PDZRN4: variants seen among roughly 807,000 people sequenced by gnomAD.
PDZRN4 encodes the protein PDZ domain containing ring finger 4, also known as PDZ domain-containing RING finger protein 4.
PDZRN4 carries 70 observed loss-of-function variants against 99.0 expected under a neutral mutation model. That is an observed-to-expected ratio of 0.71 (90% CI 0.58 to 0.86). PDZRN4 has a LOEUF of 0.86. Among genes scored for constraint, PDZRN4 ranks in the 40% least tolerant of loss-of-function variants. PDZRN4 has a pLI of 0.00. For synonymous variants in PDZRN4, 551 were observed against 501.6 expected (o/e 1.10, Z -1.32); for missense variants, 1,474 against 1,331.2 (o/e 1.11, Z -1.67).
chr12:41,391,331 T>A (rs1008059888), intron 3 of PDZRN4, among the ~76,000 whole-genome samples: 4 of 152,128 alleles, frequency 2.6e-5, no homozygotes, highest in Non-Finnish European at 5.9e-5. Flanking sequence ...ATAAGCAATT[T>A]TCAAAAAGCA....
chr12:41,484,507 C>T (rs1383409183), intron 3 of PDZRN4, among the ~76,000 whole-genome samples: 4 of 152,164 alleles, frequency 2.6e-5, no homozygotes, highest in African/African-American at 9.7e-5. Context: ...GCCCCAAAAA[C>T]GTAATAGGAG....
At chr12:41,251,305 T>C (rs1253583841) in intron 3 of PDZRN4, among the ~76,000 whole-genome samples, 1 of 152,166 alleles carries the variant, frequency 6.6e-6, no homozygotes, top group East Asian at 1.9e-4. Flanking sequence ...ATTATTTTCC[T>C]CAAAAATTGA....
chr12:41,433,852 CT>C (rs749338056), intron 3 of PDZRN4, among the ~76,000 whole-genome samples: 1 of 152,118 alleles, frequency 6.6e-6, no homozygotes, highest in Non-Finnish European at 1.5e-5. Flanking sequence ...GTAAATTAGT[CT>C]TTTTGAAGTC....
Position 41,282,614 on chromosome 12 carries a change from G to A in PDZRN4, c.843+88426G>A, listed in dbSNP as rs576870918. On this transcript the variant is annotated intron_variant, in intron 3 of 9. Transcript: ENST00000402685. Reference sequence around the variant, plus strand: ...GCACTTATTCTAAAATCAACCACATGATTGGAAATAAAACAATCCTCAGCA... The same window carrying A: ...GCACTTATTCTAAAATCAACCACATAATTGGAAATAAAACAATCCTCAGCA... Among the ~76,000 whole-genome samples, 4 of 152,168 alleles carry A rather than the reference G, an allele frequency of 2.6e-5. No individual in the cohort carries two copies. In the East Asian group the frequency reaches 7.7e-4, roughly 29 times the overall value.
intron 3 of PDZRN4, among the ~76,000 whole-genome samples, chr12:41,196,371 G>A (rs1364724414): frequency 8.6e-5 from 13 of 151,882 alleles, no homozygotes; most frequent in Admixed American, 8.5e-4. Flanking sequence ...TTTATACCAG[G>A]GTACATTGAT....
chr12:41,304,242 T>C (rs1042901388), intron 3 of PDZRN4, among the ~76,000 whole-genome samples: 2 of 152,186 alleles, frequency 1.3e-5, no homozygotes, highest in African/African-American at 4.8e-5. Flanking sequence ...ACTAGCTTTG[T>C]ATGATATCAG....
intron 6 of PDZRN4, among the ~76,000 whole-genome samples, chr12:41,553,754 A>G (rs527441037): frequency 5.3e-5 from 8 of 152,142 alleles, no homozygotes; most frequent in Non-Finnish European, 1.2e-4. Context: ...AAAATTACAT[A>G]CTTATATGTG....
chr12:41,289,373 C>T (rs1160046083), intron 3 of PDZRN4, among the ~76,000 whole-genome samples: 2 of 151,932 alleles, frequency 1.3e-5, no homozygotes, highest in Non-Finnish European at 2.9e-5. Flanking sequence ...GTGTATTAAC[C>T]AATATGGGTG....
At chr12:41,238,905 G>A (rs1008293223) in intron 3 of PDZRN4, among the ~76,000 whole-genome samples, 1 of 152,194 alleles carries the variant, frequency 6.6e-6, no homozygotes, top group Non-Finnish European at 1.5e-5. Flanking sequence ...ACAGTGTGGT[G>A]ATTCCTCAAA....
intron 3 of PDZRN4, among the ~76,000 whole-genome samples, chr12:41,223,420 A>C (rs1950971391): frequency 6.6e-6 from 1 of 151,890 alleles, no homozygotes; most frequent in South Asian, 2.1e-4. Context: ...CAGCCCATCT[A>C]TATGTATTTA....
chr12:41,523,732 G>C (rs1244221044), intron 5 of PDZRN4, among the ~76,000 whole-genome samples: 1 of 152,060 alleles, frequency 6.6e-6, no homozygotes, highest in African/African-American at 2.4e-5. Flanking sequence ...AGTACAGACA[G>C]AATAGCCAAA....
At position 41,188,784 on chromosome 12, in the gene PDZRN4, G is replaced by T. The variant is rs758565054; in HGVS notation, c.329G>T (p.Arg110Leu). 1.5e-6 allele frequency: 2 copies of T among 1,377,248 alleles called. No homozygotes were observed. Among genetic ancestry groups the T allele is most frequent in the Admixed American group, 3.6e-5 (1 of 27,652 alleles). 85.3% of individuals were successfully genotyped at this position (1,377,248 alleles called of 1,614,324 possible). ...GAGCACTGCGACTTCGGCCCTGCCC[G>T]CCGGCTCCGCAGCCGCGGGGGCTGC... ...HVEHCDFGPA[R>L]RLRSRGGCAS... Residue 110 changes from arginine to leucine, a missense_variant, in exon 1 of 10, where the codon CGC becomes CTC. Arg to Leu is a moderately radical substitution (Grantham distance 102). Coordinates refer to ENST00000402685, the MANE Select transcript of PDZRN4 (RefSeq NM_001164595.2).
chr12:41,267,527 G>C (rs1951286397), intron 3 of PDZRN4, among the ~76,000 whole-genome samples: 1 of 152,142 alleles, frequency 6.6e-6, no homozygotes, highest in East Asian at 1.9e-4. Flanking sequence ...AATTGGAGTT[G>C]CAATAAAAGG....
intron 3 of PDZRN4, among the ~76,000 whole-genome samples, chr12:41,266,763 T>A (rs1170131774): frequency 1.3e-5 from 2 of 152,196 alleles, no homozygotes; most frequent in Non-Finnish European, 2.9e-5. Context: ...GGAAAAAATA[T>A]TTTTGTTCTA....
At chr12:41,562,319 A>G (rs1939283499) in intron 7 of PDZRN4, among the ~76,000 whole-genome samples, 1 of 152,172 alleles carries the variant, frequency 6.6e-6, no homozygotes, top group South Asian at 2.1e-4. Flanking sequence ...TTGTTTTCAG[A>G]TAATTATGTC....
chr12:41,376,911 G>T (rs1952086286), intron 3 of PDZRN4, among the ~76,000 whole-genome samples: 1 of 152,126 alleles, frequency 6.6e-6, no homozygotes, highest in Admixed American at 6.5e-5. Flanking sequence ...TGCGAGTTGT[G>T]TAAGATAGAG....
At chr12:41,305,342 T>A (rs180996610) in intron 3 of PDZRN4, among the ~76,000 whole-genome samples, 99 of 152,204 alleles carry the variant, frequency 6.5e-4, no homozygotes, top group Non-Finnish European at 1.3e-4. Flanking sequence ...GGAAAACAAG[T>A]GGACTAAAAC....
intron 3 of PDZRN4, among the ~76,000 whole-genome samples, chr12:41,275,532 G>T (rs1951344951): frequency 1.3e-5 from 2 of 152,108 alleles, no homozygotes; most frequent in South Asian, 4.1e-4. Context: ...AGTGACAGGG[G>T]AGGCAGGAAG....
chr12:41,325,760 A>C (rs922622804), intron 3 of PDZRN4, among the ~76,000 whole-genome samples: 1 of 125,414 alleles, frequency 8.0e-6, no homozygotes, highest in Non-Finnish European at 1.9e-5. Context: ...TGATTAAAAA[A>C]CACATTTATT....
Sources: allele counts gnomAD v4.1 joint callset (sites outside exome capture counted in the v4.1 genomes callset), GRCh38; gene constraint gnomAD v4.1.1; transcripts MANE v1.5; gene names NCBI Gene and HGNC (gene_info 2026-07-23, HGNC 2026-07-21).